Variants in FIRRM observed in about 807,000 individuals in gnomAD.
FIRRM encodes FIGNL1-interacting regulator of recombination and mitosis.
At chr1:169,793,630 A>G in the FIRRM span, 2 of 1,614,164 alleles carry the variant, frequency 1.2e-6, no homozygotes, top group East Asian at 2.2e-5. Context: ...TCAAAGCTCC[A>G]TCTCTAATGG....
At chr1:169,787,984 G>A in the FIRRM span, among the ~76,000 whole-genome samples, 10 of 152,270 alleles carry the variant, frequency 6.6e-5, no homozygotes, top group East Asian at 1.9e-3. Flanking sequence ...AGTTGAAAGG[G>A]CAAGTGGGGC....
At chr1:169,836,843 T>C in the FIRRM span, 5 of 930,384 alleles carry the variant, frequency 5.4e-6, no homozygotes, top group African/African-American at 6.7e-5. Flanking sequence ...AAATATTAAA[T>C]GTGGAAACTA....
At chr1:169,788,553 G>A in the FIRRM span, among the ~76,000 whole-genome samples, 1 of 152,218 alleles carries the variant, frequency 6.6e-6, no homozygotes, top group South Asian at 2.1e-4. Context: ...TTAAGTTTTC[G>A]AGGAGTCAAA....
chr1:169,791,407 G>A, the FIRRM span, among the ~76,000 whole-genome samples: 25 of 152,246 alleles, frequency 1.6e-4, no homozygotes, highest in South Asian at 2.1e-4. Context: ...TCATCTTAGC[G>A]TAGTAAGAGG....
At chr1:169,835,584 T>G in the FIRRM span, among the ~76,000 whole-genome samples, 1 of 152,220 alleles carries the variant, frequency 6.6e-6, no homozygotes, top group African/African-American at 2.4e-5. Context: ...CCCTTTTACT[T>G]TAGTCTTTTA....
At chr1:169,828,482 C>G in the FIRRM span, among the ~76,000 whole-genome samples, 1 of 152,046 alleles carries the variant, frequency 6.6e-6, no homozygotes, top group Non-Finnish European at 1.5e-5. Flanking sequence ...TTCTGTCACC[C>G]CCTTATTTGT....
At chr1:169,788,374 T>C in the FIRRM span, among the ~76,000 whole-genome samples, 3 of 152,228 alleles carry the variant, frequency 2.0e-5, no homozygotes, top group Non-Finnish European at 2.9e-5. Context: ...TTCCACTTAG[T>C]GAATAGTAAA....
the FIRRM span, chr1:169,796,116 A>G: frequency 3.0e-6 from 1 of 336,950 alleles, no homozygotes; most frequent in African/African-American, 2.2e-5. Flanking sequence ...CTAAAGCCCT[A>G]TGTAATCACA....
At chr1:169,849,815 G>T in the FIRRM span, 1 of 554,736 alleles carries the variant, frequency 1.8e-6, no homozygotes, top group Non-Finnish European at 3.2e-6. Context: ...GAATAAACAA[G>T]GACCAGAACA....
the FIRRM span, chr1:169,830,595 T>C: frequency 8.5e-7 from 1 of 1,174,110 alleles, no homozygotes; most frequent in African/African-American, 1.5e-5. Context: ...AATGGCAGTT[T>C]TTAATGTCCT....
At chr1:169,798,710 A>C in the FIRRM span, 2 of 307,142 alleles carry the variant, frequency 6.5e-6, no homozygotes, top group African/African-American at 4.3e-5. Flanking sequence ...GCAATTTTCA[A>C]AATATTTCTT....
At chr1:169,850,185 G>A in the FIRRM span, 3 of 875,920 alleles carry the variant, frequency 3.4e-6, no homozygotes, top group Non-Finnish European at 5.5e-6. Context: ...TTTGGTTAAG[G>A]TAGCTCATAA....
At chr1:169,827,878 G>T in the FIRRM span, 4 of 1,604,540 alleles carry the variant, frequency 2.5e-6, no homozygotes, top group Non-Finnish European at 3.4e-6. Flanking sequence ...ATTACCAATG[G>T]TTAAGAAGGC....
chr1:169,788,097 G>T, the FIRRM span, among the ~76,000 whole-genome samples: 4 of 152,240 alleles, frequency 2.6e-5, no homozygotes, highest in South Asian at 4.1e-4. Context: ...GAACCACACA[G>T]TCTAGCAGCA....
chr1:169,793,431 C>G, the FIRRM span: 26 of 1,614,148 alleles, frequency 1.6e-5, no homozygotes, highest in East Asian at 5.8e-4. Context: ...CCATGTGGCT[C>G]CAAGTTCCTT....
chr1:169,790,183 T>C, the FIRRM span, among the ~76,000 whole-genome samples: 5 of 151,016 alleles, frequency 3.3e-5, no homozygotes, highest in African/African-American at 4.8e-5. Flanking sequence ...TCTTTTTTTT[T>C]TCTCTTTTTT....
the FIRRM span, chr1:169,821,616 G>T: frequency 8.3e-7 from 1 of 1,209,146 alleles, no homozygotes; most frequent in Non-Finnish European, 1.2e-6. Context: ...TCATTTGTAA[G>T]CTTAGCTAAT....
the FIRRM span, among the ~76,000 whole-genome samples, chr1:169,822,282 A>G: frequency 6.6e-6 from 1 of 152,366 alleles, no homozygotes. Context: ...GCAGTGTATC[A>G]GTAGCCAGGG....
At chr1:169,838,316 G>A in the FIRRM span, among the ~76,000 whole-genome samples, 1 of 152,088 alleles carries the variant, frequency 6.6e-6, no homozygotes. Flanking sequence ...GGTTAAATGT[G>A]TCCGAGTTTA....
Sources: allele counts gnomAD v4.1 joint callset (sites outside exome capture counted in the v4.1 genomes callset), GRCh38; gene constraint gnomAD v4.1.1; transcripts MANE v1.5; gene names NCBI Gene and HGNC (gene_info 2026-07-23, HGNC 2026-07-21).